The following ANO1 variants were observed in gnomAD, a reference collection of about 807,000 sequenced individuals.
ANO1 encodes the protein anoctamin 1.
ANO1 carries 59 observed loss-of-function variants against 124.0 expected under a neutral mutation model. The observed-to-expected ratio is 0.48, with a 90% CI of 0.39 to 0.59. The LOEUF (loss-of-function observed/expected upper bound fraction) is 0.59. ANO1 is among the 20% of genes least tolerant of loss of function. ANO1 has a pLI of 0.00. For missense variants in ANO1, 1,059 were observed against 1,328.0 expected (o/e 0.80, Z 3.15); for synonymous variants, 529 against 532.0 (o/e 0.99, Z 0.08).
rs782676526 is a variant in ANO1 at position 70,057,264 on chromosome 11, CT to C, written c.59-21273del. 2.0e-5 allele frequency among the ~76,000 whole-genome samples: 3 copies of C among 152,120 alleles called. No homozygotes were observed. In the East Asian group the frequency reaches 5.8e-4, roughly 29 times the overall value. ...TCTCTTCTTCCGAGAGGATTCTTGT[CT>C]TTTTGGCAGGCAGAATGCAGAAAGA... On this transcript the variant is annotated intron_variant, in intron 1 of 27. Coordinates refer to the ANO1 transcript ENST00000531349.
At chr11:70,185,837 A>G in intron 25 of ANO1, 142 bp downstream of exon 25, 3 of 932,388 alleles carry the variant, frequency 3.2e-6, no homozygotes, top group African/African-American at 1.7e-5. Flanking sequence ...GCTCTGGGAC[A>G]CCCGAGGAGG....
chr11:70,169,620 C>T (rs1351758976), intron 21 of ANO1, among the ~76,000 whole-genome samples: 1 of 152,278 alleles, frequency 6.6e-6, no homozygotes, highest in South Asian at 2.1e-4. Flanking sequence ...ACAGCACACA[C>T]CGCCCCACAT....
chr11:70,029,711 G>A (rs1325067198), intron 1 of ANO1, among the ~76,000 whole-genome samples: 4 of 152,206 alleles, frequency 2.6e-5, no homozygotes, highest in Admixed American at 6.5e-5. Flanking sequence ...GTTCTCCCAC[G>A]GTTCTGGAGG....
Position 70,124,263 on chromosome 11 carries a change from G to C in ANO1, c.898-87G>C. 2.4e-6 allele frequency: 3 copies of C among 1,243,766 alleles called. No homozygotes were observed. In the South Asian group the frequency reaches 3.7e-5, roughly 15 times the overall value. The allele number at this position is 1,243,766 out of a possible 1,614,324, so 77.0% of individuals were successfully genotyped here. A position where few individuals can be genotyped will look rare whatever the true frequency, so the allele number is the denominator to read the frequency against. On this transcript the variant is annotated intron_variant, in intron 8 of 25. Transcript: ENST00000355303. ...TTATGGGATGAATGAATGATGTCAC[G>C]GAGGCTCAGTCCCCGCAGCTCTGCG...
chr11:70,152,784 C>G (rs1316025695), intron 13 of ANO1, among the ~76,000 whole-genome samples: 2 of 152,256 alleles, frequency 1.3e-5, no homozygotes, highest in Non-Finnish European at 2.9e-5. Flanking sequence ...TCACTGCAGC[C>G]TGGTACAGGC....
At chr11:70,010,162 T>C (rs1225389155) in intron 1 of ANO1, among the ~76,000 whole-genome samples, 1,877 of 74,880 alleles carry the variant, frequency 0.025, 132 homozygotes, top group African/African-American at 0.069. Context: ...TGTGTGTGTG[T>C]GTGCGCGTGT....
intron 1 of ANO1, among the ~76,000 whole-genome samples, chr11:70,038,195 A>G (rs1555004622): frequency 6.6e-6 from 1 of 152,220 alleles, no homozygotes; most frequent in Non-Finnish European, 1.5e-5. Flanking sequence ...ATTCTTGGAC[A>G]AGGTTAAGCA....
chr11:70,009,354 G>A (rs1366058855), intron 1 of ANO1, among the ~76,000 whole-genome samples: 1 of 152,142 alleles, frequency 6.6e-6, no homozygotes, highest in African/African-American at 2.4e-5. Context: ...AACTCTCAGA[G>A]GAGGCAGGTG....
At chr11:69,966,065 CA>C in the ANO1 span, among the ~76,000 whole-genome samples, 1 of 150,896 alleles carries the variant, frequency 6.6e-6, no homozygotes, top group African/African-American at 2.4e-5. Context: ...TGAGAATATC[CA>C]AAAAAAAAGG....
In ANO1 at chr11:70,158,220, G is replaced by A. The variant is rs951430851; in HGVS notation, c.1578+1199G>A. Among the ~76,000 whole-genome samples, 3 of 152,312 alleles carry A rather than the reference G, an allele frequency of 2.0e-5. No individual in the cohort carries two copies. In the South Asian group the frequency reaches 6.2e-4, roughly 32 times the overall value. ...GGCTTTTAGGGGATTTCAATCCCAG[G>A]GACTTCAACCCCCAATGGATTCGGC... On this transcript the variant is annotated intron_variant, in intron 16 of 25. Coordinates refer to ENST00000355303, the MANE Select transcript of ANO1 (RefSeq NM_018043.7).
rs1220041591 is a variant in ANO1 at position 70,103,161 on chromosome 11, G to A, written c.537G>A (p.Lys179=). ...TTCTGAAACTGAAGATGCCGACGAA[G>A]AAGGTTGGTGTTGATGGTCCTGCTC... ...AEFLKLKMPT[K]KMYHINETRG... The change falls in exon 3 of 26, where the codon AAG becomes AAA. Residue 179 remains lysine, a synonymous_variant. Coordinates refer to ENST00000355303, the MANE Select transcript of ANO1 (RefSeq NM_018043.7). 7 of 1,608,934 alleles carry A rather than the reference G, an allele frequency of 4.4e-6. No individual in the cohort carries two copies. The highest frequency in any genetic ancestry group is 5.9e-6 in the Non-Finnish European group (7 of 1,177,582).
At chr11:70,122,958 A>ATAGG (rs1309669418) in intron 8 of ANO1, among the ~76,000 whole-genome samples, 30 of 152,344 alleles carry the variant, frequency 2.0e-4, no homozygotes, top group African/African-American at 7.2e-4. Flanking sequence ...CTATGTACAC[A>ATAGG]GTAAAACTGT....
At chr11:70,186,342 G>A (rs2049118696) in intron 25 of ANO1, among the ~76,000 whole-genome samples, 1 of 144,756 alleles carries the variant, frequency 6.9e-6, no homozygotes, top group African/African-American at 2.5e-5. Context: ...GGAGGACGAG[G>A]AGGGGGAGGG....
chr11:70,037,113 G>T (rs1352639131), intron 1 of ANO1, among the ~76,000 whole-genome samples: 3 of 152,142 alleles, frequency 2.0e-5, no homozygotes, highest in Non-Finnish European at 4.4e-5. Flanking sequence ...TAACACAGAA[G>T]TCCCTGCCTT....
In ANO1 at chr11:70,026,147, GTGA is replaced by G. The variant is rs1379620199; in HGVS notation, c.58+39993_58+39995del. 9.6e-5 allele frequency among the ~76,000 whole-genome samples: 14 copies of G among 145,094 alleles called. No individual in the cohort carries two copies. The South Asian group carries it at 1.6e-3, about 17-fold the overall frequency. On this transcript the variant is annotated intron_variant, in intron 1 of 27. Coordinates refer to the ANO1 transcript ENST00000531349. ...GGTGCTGGTGGTAGTGGTGATGACA[GTGA>G]TGATGATGATGGTGATGATGGTGGT...
chr11:70,140,702 A>G (rs2047123341), intron 11 of ANO1, among the ~76,000 whole-genome samples: 1 of 152,214 alleles, frequency 6.6e-6, no homozygotes, highest in African/African-American at 2.4e-5. Flanking sequence ...CTCTGCTACA[A>G]GGGTTTGTGA....
chr11:70,000,321 C>G lies in ANO1; in HGVS notation c.58+14155C>G, dbSNP rs1047490788. ...TTGTTAGTGAAAGATAGAGATGGGCCGGGGGGGGATGCACACTCCCCACCA... is the reference window on the plus strand; with the variant it reads ...TTGTTAGTGAAAGATAGAGATGGGCGGGGGGGGGATGCACACTCCCCACCA... On this transcript the variant is annotated intron_variant, in intron 1 of 27. Coordinates refer to the ANO1 transcript ENST00000531349. Among the ~76,000 whole-genome samples the G allele has an allele frequency of 2.9e-4, 44 of 151,292 alleles. No homozygotes were observed. The South Asian group carries it at 8.6e-3, about 30-fold the overall frequency.
intron 1 of ANO1, among the ~76,000 whole-genome samples, chr11:70,069,775 T>C (rs7926352): frequency 0.78 from 118,908 of 151,738 alleles, 46,878 homozygotes; most frequent in African/African-American, 0.86. Flanking sequence ...TTGGAGGATC[T>C]GGGCTGTGAT....
At chr11:70,181,230 C>T (rs960657451) in intron 23 of ANO1, among the ~76,000 whole-genome samples, 1 of 152,230 alleles carries the variant, frequency 6.6e-6, no homozygotes, top group African/African-American at 2.4e-5. Context: ...ATGAGGGACA[C>T]GGGGTGGCTC....
Sources: allele counts gnomAD v4.1 joint callset (sites outside exome capture counted in the v4.1 genomes callset), GRCh38; gene constraint gnomAD v4.1.1; transcripts MANE v1.5; gene names NCBI Gene and HGNC (gene_info 2026-07-23, HGNC 2026-07-21).